JAK2: variants seen among roughly 807,000 people sequenced by gnomAD.
JAK2 encodes tyrosine-protein kinase JAK2.
In JAK2, 86 loss-of-function variants were observed where a neutral mutation model predicts 139.3. The ratio of observed to expected loss-of-function variants is 0.62; its 90% CI spans 0.52 to 0.74. The LOEUF (loss-of-function observed/expected upper bound fraction) is 0.74. Among genes scored for constraint, JAK2 ranks in the 30% least tolerant of loss-of-function variants. The probability of loss-of-function intolerance (pLI) is 0.00; values close to 1 mark genes in which losing one functional copy is unlikely to be tolerated. For synonymous variants in JAK2, 490 were observed against 437.7 expected (o/e 1.12, Z -1.49); for missense variants, 1,421 against 1,360.3 (o/e 1.04, Z -0.70).
intron 22 of JAK2, chr9:5,098,599 G>A (rs1343280953): frequency 6.6e-6 from 1 of 152,032 alleles, no homozygotes; most frequent in Non-Finnish European, 1.5e-5. Flanking sequence ...GTATAAAACA[G>A]ATGAAGTTAA....
At chr9:5,108,423 TTAAATACTTCAGATTCTCTAAATATGC>T (rs1447603055) in intron 22 of JAK2, 2 of 152,224 alleles carry the variant, frequency 1.3e-5, no homozygotes, top group East Asian at 3.9e-4. Context: ...TGTCTACACT[TTAAATACTTCAGATTCTCTAAATATGC>T]TAGTAATGAT....
Position 5,054,947 on chromosome 9 carries a change from G to C in JAK2, c.936+63G>C. On this transcript the variant is annotated intron_variant, in intron 7 of 24. Coordinates refer to ENST00000381652, the MANE Select transcript of JAK2 (RefSeq NM_004972.4). This position sits in a 1 kb window ranked among gnomAD's most constrained non-coding sequence, Gnocchi z 4.9. ...TAAGTACAATGGAAATAAAAACAAAGTAATTTTAATCATTTGCAACATGGT... is the reference window on the plus strand; with the variant it reads ...TAAGTACAATGGAAATAAAAACAAACTAATTTTAATCATTTGCAACATGGT... 7.9e-7 allele frequency: 1 copy of C among 1,266,032 alleles called. No individual in the cohort carries two copies. Among genetic ancestry groups the C allele is most frequent in the Non-Finnish European group, 1.1e-6 (1 of 918,234 alleles). 78.4% of individuals were successfully genotyped at this position (1,266,032 alleles called of 1,614,324 possible). A position where few individuals can be genotyped will look rare whatever the true frequency, so the allele number is the denominator to read the frequency against.
chr9:5,061,536 C>T (rs955427130), intron 8 of JAK2, among the ~76,000 whole-genome samples: 1 of 152,222 alleles, frequency 6.6e-6, no homozygotes. Flanking sequence ...AACTTTTCTT[C>T]TGCAGCTTCC....
At chr9:4,989,046 A>G (rs949037862) in intron 2 of JAK2, among the ~76,000 whole-genome samples, 1 of 152,122 alleles carries the variant, frequency 6.6e-6, no homozygotes, top group African/African-American at 2.4e-5. Flanking sequence ...TTTATCCTCA[A>G]TAGAGATTCC....
At chr9:5,035,987 G>A (rs953688926) in intron 4 of JAK2, among the ~76,000 whole-genome samples, 9 of 152,250 alleles carry the variant, frequency 5.9e-5, no homozygotes, top group Admixed American at 3.9e-4. Context: ...AAACCCCATC[G>A]TCTCAGCCCA....
chr9:5,109,667 CATT>C (rs1822275339), intron 22 of JAK2: 1 of 152,176 alleles, frequency 6.6e-6, no homozygotes, highest in African/African-American at 2.4e-5. Flanking sequence ...ACCAAGAAGT[CATT>C]ATCTCAAACT....
chr9:5,002,307 T>G (rs545425646), intron 2 of JAK2, among the ~76,000 whole-genome samples: 5 of 152,082 alleles, frequency 3.3e-5, no homozygotes, highest in African/African-American at 1.2e-4. Context: ...AACCACTATT[T>G]TAGCTGTATT....
At chr9:5,093,784 C>T (rs1052883862) in intron 22 of JAK2, among the ~76,000 whole-genome samples, 43 of 152,200 alleles carry the variant, frequency 2.8e-4, no homozygotes, top group African/African-American at 9.9e-4. Context: ...TTTACGACCT[C>T]GATGTTGGAT....
chr9:5,114,179 GCAA>G, intron 22 of JAK2: 4 of 436,752 alleles, frequency 9.2e-6, no homozygotes, highest in South Asian at 4.1e-5. Context: ...ATTCTAACCC[GCAA>G]GGGGTGAGCA....
At position 5,023,247 on chromosome 9, in the gene JAK2, A is replaced by T. The variant is rs972791398; in HGVS notation, c.226+1034A>T. ...TTTTTAGCTCCCACATATGAATGAG[A>T]ACTTGTTATATTTGTCTTTCAGTTC... On this transcript the variant is annotated intron_variant, in intron 3 of 24. Coordinates refer to ENST00000381652, the MANE Select transcript of JAK2 (RefSeq NM_004972.4). 3.3e-5 allele frequency among the ~76,000 whole-genome samples: 5 copies of T among 152,256 alleles called. No individual in the cohort carries two copies. The East Asian group carries it at 7.7e-4, about 23-fold the overall frequency.
At chr9:5,018,664 G>A (rs7028000) in intron 2 of JAK2, among the ~76,000 whole-genome samples, 1,611 of 152,276 alleles carry the variant, frequency 0.011, 30 homozygotes, top group African/African-American at 0.038. Flanking sequence ...ACTTCCATAT[G>A]TAGAACTCCC....
At chr9:5,083,397 C>T (rs560080815) in intron 19 of JAK2, among the ~76,000 whole-genome samples, 60 of 152,312 alleles carry the variant, frequency 3.9e-4, no homozygotes, top group African/African-American at 1.4e-3. Context: ...ATAAGGTTCT[C>T]ACTAGTAAGT....
In JAK2 at chr9:5,035,324, T is replaced by C. The variant is rs530986671; in HGVS notation, c.350+5418T>C. Among the ~76,000 whole-genome samples, 48 of 152,294 alleles carry C rather than the reference T, an allele frequency of 3.2e-4. 2 individuals carry two copies. The South Asian group carries it at 3.3e-3, about 11-fold the overall frequency. On this transcript the variant is annotated intron_variant, in intron 4 of 24. Transcript: ENST00000381652. ...GAGGTGCAAAGAGGAGCTGGTACCA[T>C]TCCTTCTGAAACTATTCCAATCAAT...
intron 2 of JAK2, among the ~76,000 whole-genome samples, chr9:4,995,415 G>C (rs1188448002): frequency 6.6e-6 from 1 of 152,112 alleles, no homozygotes; most frequent in East Asian, 1.9e-4. Flanking sequence ...TTGTTTTCTT[G>C]TTCCATCTGG....
At chr9:5,026,894 A>G (rs148094830) in intron 3 of JAK2, among the ~76,000 whole-genome samples, 1 of 152,328 alleles carries the variant, frequency 6.6e-6, no homozygotes, top group African/African-American at 2.4e-5. Flanking sequence ...TTAAGTTGAT[A>G]TTTAAAATTT....
intron 22 of JAK2, among the ~76,000 whole-genome samples, chr9:5,115,655 C>G (rs1277303526): frequency 6.6e-6 from 1 of 152,154 alleles, no homozygotes; most frequent in African/African-American, 2.4e-5. Context: ...AGACTTGGAA[C>G]CAACCCAAAT....
At chr9:5,006,033 A>T (rs1821277024) in intron 2 of JAK2, among the ~76,000 whole-genome samples, 1 of 152,212 alleles carries the variant, frequency 6.6e-6, no homozygotes, top group East Asian at 1.9e-4. Context: ...CTGTGAAGAA[A>T]GTCATTGGTA....
intron 8 of JAK2, among the ~76,000 whole-genome samples, chr9:5,057,577 T>C (rs1483901247): frequency 7.9e-6 from 1 of 126,474 alleles, no homozygotes; most frequent in Non-Finnish European, 1.5e-5. Context: ...AGCATTCTAC[T>C]TTCTTTTTTT....
At position 5,066,682 on chromosome 9, in the gene JAK2, G is replaced by C. The variant is rs140392449; in HGVS notation, c.1219G>C (p.Asp407His). 10 of 1,577,336 alleles carry C rather than the reference G, an allele frequency of 6.3e-6. No homozygotes were observed. In the East Asian group the frequency reaches 2.0e-4, roughly 32 times the overall value. The change falls in exon 10 of 25, where the codon GAT (aspartate) becomes CAT (histidine). Residue 407 changes from aspartate to histidine, a missense_variant. Asp to His is a moderately conservative substitution (Grantham distance 81). Transcript: ENST00000381652. Reference sequence around the variant, plus strand: ...TTGCTTCTTCTTTACCTTTAGGATGGATTTTGCCATTAGTAAACTGAAGAA... The same window carrying C: ...TTGCTTCTTCTTTACCTTTAGGATGCATTTTGCCATTAGTAAACTGAAGAA... ...QSNCHGPISMDFAISKLKKAG... is the reference protein window; with the variant it reads ...QSNCHGPISMHFAISKLKKAG...
Sources: gnomAD v4.1 joint callset for allele counts (sites outside exome capture counted in the v4.1 genomes callset) on GRCh38, gnomAD v4.1.1 for gene constraint, Gnocchi (gnomAD v3.1) non-coding constraint, MANE v1.5 for transcripts, NCBI Gene and HGNC (gene_info 2026-07-23, HGNC 2026-07-21) for gene names.